GBF1: variants seen among roughly 807,000 people sequenced by gnomAD.
GBF1 encodes Golgi-specific brefeldin A-resistance guanine nucleotide exchange factor 1.
In GBF1, 114 loss-of-function variants were observed where a neutral mutation model predicts 210.5. The ratio of observed to expected loss-of-function variants is 0.54; its 90% CI spans 0.47 to 0.63. The LOEUF (loss-of-function observed/expected upper bound fraction) is 0.63. GBF1 is among the 30% of genes least tolerant of loss of function. GBF1 has a pLI of 0.00. For synonymous variants in GBF1, 850 were observed against 889.2 expected (o/e 0.96, Z 0.78); for missense variants, 1,851 against 2,357.7 (o/e 0.79, Z 4.45).
intron 3 of GBF1, among the ~76,000 whole-genome samples, chr10:102,267,955 C>G (rs1589425754): frequency 6.6e-6 from 1 of 152,274 alleles, no homozygotes; most frequent in South Asian, 2.1e-4. Flanking sequence ...TGGCCACAGA[C>G]TTGTAGACAT....
chr10:102,257,991 A>G (rs1490767027), intron 1 of GBF1, among the ~76,000 whole-genome samples: 1 of 152,098 alleles, frequency 6.6e-6, no homozygotes, highest in Non-Finnish European at 1.5e-5. Context: ...AGAATTTGAC[A>G]TGCTTCCTGA....
chr10:102,316,390 C>T (rs2078937448), intron 3 of GBF1, among the ~76,000 whole-genome samples: 1 of 152,242 alleles, frequency 6.6e-6, no homozygotes, highest in South Asian at 2.1e-4. Flanking sequence ...GCTCGGCCTT[C>T]CCTCTACTTT....
the GBF1 span, among the ~76,000 whole-genome samples, chr10:102,240,199 C>T: frequency 1.3e-5 from 2 of 152,206 alleles, no homozygotes; most frequent in African/African-American, 4.8e-5. Flanking sequence ...ACTGAGGCTG[C>T]CAGGGGCTTG....
intron 3 of GBF1, among the ~76,000 whole-genome samples, chr10:102,278,508 G>C (rs1295659485): frequency 6.6e-6 from 1 of 152,026 alleles, no homozygotes; most frequent in Non-Finnish European, 1.5e-5. Flanking sequence ...TTAAAAAATT[G>C]ATCCATAATA....
intron 3 of GBF1, among the ~76,000 whole-genome samples, chr10:102,268,977 A>G (rs2074140036): frequency 2.0e-5 from 3 of 152,246 alleles, no homozygotes; most frequent in Admixed American, 6.5e-5. Context: ...TTAGGCTCTC[A>G]GTTTTACTCT....
Position 102,258,094 on chromosome 10 carries a change from G to A in GBF1, c.-10-835G>A, listed in dbSNP as rs1416455628. 7.3e-5 allele frequency among the ~76,000 whole-genome samples: 11 copies of A among 151,490 alleles called. No individual in the cohort carries two copies. In the East Asian group the frequency reaches 1.9e-3, roughly 27 times the overall value. On this transcript the variant is annotated intron_variant, in intron 1 of 39. Coordinates refer to ENST00000369983, the MANE Select transcript of GBF1 (RefSeq NM_001377137.1). Reference sequence around the variant, plus strand: ...TGAACTTCTAAAGACCCCCAGGAGAGCCAGATAGTTGGATTCATAACATAA... The same window carrying A: ...TGAACTTCTAAAGACCCCCAGGAGAACCAGATAGTTGGATTCATAACATAA...
chr10:102,285,928 T>C (rs1243484267), intron 3 of GBF1, among the ~76,000 whole-genome samples: 1 of 152,164 alleles, frequency 6.6e-6, no homozygotes, highest in South Asian at 2.1e-4. Context: ...TGAAATATTA[T>C]AAATCAGAAT....
intron 8 of GBF1, among the ~76,000 whole-genome samples, chr10:102,355,859 T>C (rs1451528073): frequency 6.6e-6 from 1 of 152,218 alleles, no homozygotes; most frequent in Non-Finnish European, 1.5e-5. Flanking sequence ...TCTTGCCCTT[T>C]TGCATGTTTG....
At chr10:102,380,160 A>C (rs1365918592) in intron 36 of GBF1, 89 bp from the exon 37 acceptor site, 2 of 854,650 alleles carry the variant, frequency 2.3e-6, no homozygotes, top group African/African-American at 3.4e-5. Flanking sequence ...ATTCTCATGC[A>C]AGATAGGACA....
At chr10:102,241,473 C>T (rs1241366660), upstream of GBF1, 1 of 152,610 alleles carries the variant, frequency 6.6e-6, no homozygotes, top group East Asian at 1.9e-4. This position sits in a 1 kb window ranked among gnomAD's most constrained non-coding sequence, Gnocchi z 6.7. Context: ...CTCGGGCGCT[C>T]CTGGACTCTC....
intron 1 of GBF1, among the ~76,000 whole-genome samples, chr10:102,253,051 T>C (rs1173115571): frequency 6.6e-6 from 1 of 152,056 alleles, no homozygotes; most frequent in East Asian, 1.9e-4. Flanking sequence ...CCTGCCATCA[T>C]GCCCAGCTAA....
chr10:102,330,066 T>C (rs761912512), intron 3 of GBF1, among the ~76,000 whole-genome samples: 1 of 152,184 alleles, frequency 6.6e-6, no homozygotes, highest in Non-Finnish European at 1.5e-5. Context: ...AGCCTAGGAC[T>C]TTGAGTTTGC....
chr10:102,278,909 T>C (rs1014152162), intron 3 of GBF1, among the ~76,000 whole-genome samples: 4 of 152,226 alleles, frequency 2.6e-5, no homozygotes, highest in African/African-American at 9.6e-5. Flanking sequence ...ATTTATTTAC[T>C]GTGTAGATGT....
chr10:102,266,565 G>C (rs964544235), intron 3 of GBF1, among the ~76,000 whole-genome samples: 1 of 152,096 alleles, frequency 6.6e-6, no homozygotes, highest in African/African-American at 2.4e-5. Context: ...ATGCTATATG[G>C]TCCCTATCAG....
At chr10:102,377,367 A>T (rs868248410) in intron 33 of GBF1, among the ~76,000 whole-genome samples, 23 of 136,358 alleles carry the variant, frequency 1.7e-4, no homozygotes, top group Non-Finnish European at 3.1e-4. Context: ...TTATTTATTT[A>T]TTTTTTGAGA....
chr10:102,366,585 T>C lies in GBF1; in HGVS notation c.2433+79T>C, dbSNP rs59603883. ...GGCTGAAGAATCCAGCTGCTGTCTC[T>C]TTTTTTTTTTTTTTTTTTTGAGACA... On this transcript the variant is annotated intron_variant, in intron 19 of 39. Coordinates refer to ENST00000369983, the MANE Select transcript of GBF1 (RefSeq NM_001377137.1). This position sits in a 1 kb window ranked among gnomAD's most constrained non-coding sequence, Gnocchi z 4.0. The C allele has an allele frequency of 2.0e-4, 15 of 76,758 alleles. No individual in the cohort carries two copies. The highest frequency in any genetic ancestry group is 3.2e-4 in the Non-Finnish European group (13 of 40,478). The allele number at this position is 76,758 out of a possible 1,614,324, so 4.8% of individuals were successfully genotyped here.
At chr10:102,381,596 G>C (rs1366426073) in intron 39 of GBF1, among the ~76,000 whole-genome samples, 2 of 152,018 alleles carry the variant, frequency 1.3e-5, no homozygotes, top group Non-Finnish European at 2.9e-5. Flanking sequence ...GCTGAGGCAG[G>C]TAGATCACCT....
intron 3 of GBF1, among the ~76,000 whole-genome samples, chr10:102,310,664 A>AC (rs2078331135): frequency 6.6e-6 from 1 of 151,854 alleles, no homozygotes; most frequent in African/African-American, 2.4e-5. Flanking sequence ...GTTCTTTATC[A>AC]CCCCCAAGCC....
intron 1 of GBF1, among the ~76,000 whole-genome samples, chr10:102,255,522 A>G (rs10748818): frequency 0.15 from 23,484 of 152,196 alleles, 2,021 homozygotes; most frequent in East Asian, 0.35. Context: ...ATATACAGAG[A>G]AAAGTTAGTC....
Sources: allele counts gnomAD v4.1 joint callset (sites outside exome capture counted in the v4.1 genomes callset), GRCh38; gene constraint gnomAD v4.1.1; non-coding constraint Gnocchi (gnomAD v3.1); transcripts MANE v1.5; gene names NCBI Gene and HGNC (gene_info 2026-07-23, HGNC 2026-07-21).